PPP4R2: variants seen among roughly 807,000 people sequenced by gnomAD.
PPP4R2 encodes the protein protein phosphatase 4 regulatory subunit 2.
Under a neutral mutation model 47.2 loss-of-function variants are expected in PPP4R2, and 13 were observed. The ratio of observed to expected loss-of-function variants is 0.28; its 90% confidence interval spans 0.18 to 0.44. PPP4R2 has a LOEUF of 0.44. Ranked by LOEUF, PPP4R2 falls within the 20% of genes least tolerant of loss-of-function variation. The pLI is 1.00. For missense variants in PPP4R2, 421 were observed against 491.2 expected (o/e 0.86, Z 1.35); for synonymous variants, 151 against 163.3 (o/e 0.92, Z 0.57).
chr3:73,002,903 A>G (rs1378063506), intron 2 of PPP4R2, among the ~76,000 whole-genome samples: 1 of 151,664 alleles, frequency 6.6e-6, no homozygotes, highest in Admixed American at 6.6e-5. Context: ...TGGCCTCCCA[A>G]AGTGCTGGGA....
chr3:73,014,910 C>G, intron 2 of PPP4R2: 1 of 670,284 alleles, frequency 1.5e-6, no homozygotes, highest in Admixed American at 2.2e-5. Context: ...TGCTGTGTTG[C>G]CCAGGCTGGC....
chr3:73,043,213 G>A (rs1702413998), intron 2 of PPP4R2, among the ~76,000 whole-genome samples: 1 of 152,090 alleles, frequency 6.6e-6, no homozygotes, highest in African/African-American at 2.4e-5. Context: ...CATGTGGAGA[G>A]TCTCATAAAA....
At chr3:73,002,062 C>G (rs1478715657) in intron 2 of PPP4R2, among the ~76,000 whole-genome samples, 2 of 152,170 alleles carry the variant, frequency 1.3e-5, no homozygotes, top group African/African-American at 4.8e-5. Context: ...TTTGTGAGAT[C>G]CACTGTTGTA....
chr3:73,058,513 T>G (rs1052492963), intron 3 of PPP4R2, among the ~76,000 whole-genome samples: 5 of 152,010 alleles, frequency 3.3e-5, no homozygotes, highest in Non-Finnish European at 7.4e-5. Context: ...TTGCTTTTTT[T>G]TTAAAAAAGA....
At chr3:73,006,926 T>G (rs1432958008) in intron 2 of PPP4R2, among the ~76,000 whole-genome samples, 1 of 121,452 alleles carries the variant, frequency 8.2e-6, no homozygotes, top group East Asian at 2.2e-4. Context: ...TGACTATCAG[T>G]TTTTCCTCAT....
intron 2 of PPP4R2, among the ~76,000 whole-genome samples, chr3:73,031,542 A>G (rs1403917817): frequency 9.2e-6 from 1 of 108,790 alleles, no homozygotes; most frequent in Non-Finnish European, 2.0e-5. Flanking sequence ...ACTGTGTCTC[A>G]AAAAAGAAAA....
intron 2 of PPP4R2, among the ~76,000 whole-genome samples, chr3:73,038,711 TGTTG>T (rs1212752881): frequency 2.6e-5 from 4 of 152,198 alleles, no homozygotes; most frequent in Admixed American, 1.3e-4. Context: ...CGGAATATAC[TGTTG>T]GTTGGACTTT....
At chr3:73,065,313 A>G (rs1211459430) in intron 8 of PPP4R2, 84 bp from the exon 9 acceptor site, 4 of 1,392,550 alleles carry the variant, frequency 2.9e-6, no homozygotes, top group South Asian at 1.5e-5. Flanking sequence ...GATTTGAACT[A>G]TAGAATATCA....
At chr3:73,013,600 G>C (rs1701766998) in intron 2 of PPP4R2, among the ~76,000 whole-genome samples, 1 of 151,626 alleles carries the variant, frequency 6.6e-6, no homozygotes, top group African/African-American at 2.4e-5. Context: ...TGAAACTTCA[G>C]TTTGCCTTTT....
intron 3 of PPP4R2, among the ~76,000 whole-genome samples, chr3:73,056,129 C>G (rs1030668359): frequency 6.6e-6 from 1 of 152,190 alleles, no homozygotes; most frequent in African/African-American, 2.4e-5. Context: ...GGATGAGTAT[C>G]AGAGAGCAGA....
chr3:73,055,957 C>A (rs1327188259), intron 3 of PPP4R2, among the ~76,000 whole-genome samples: 3 of 152,140 alleles, frequency 2.0e-5, no homozygotes, highest in Non-Finnish European at 4.4e-5. Flanking sequence ...CTGATCACCA[C>A]TTCCCCCCAA....
At chr3:73,003,884 G>T (rs1559545322) in intron 2 of PPP4R2, among the ~76,000 whole-genome samples, 1 of 152,060 alleles carries the variant, frequency 6.6e-6, no homozygotes, top group Non-Finnish European at 1.5e-5. Context: ...ATTTTCAGTT[G>T]AGACGGGGTT....
In PPP4R2 at chr3:72,998,094, A is replaced by T; in HGVS notation, c.52A>T (p.Lys18Ter). The change falls in exon 2 of 9, where the codon AAA (lysine) becomes TAA (stop). Residue 18 changes from lysine to a stop codon, truncating the protein, a stop_gained. Coordinates refer to ENST00000356692, the MANE Select transcript of PPP4R2 (RefSeq NM_174907.4). LOFTEE classifies it high-confidence loss of function. ...TCATCTAGATTTTGAGAAGAGGGGGAAAAAGGAAGTTTGTCCTGTCCTGGA... is the reference window on the plus strand; with the variant it reads ...TCATCTAGATTTTGAGAAGAGGGGGTAAAAGGAAGTTTGTCCTGTCCTGGA... ...EALKDFEKRG[K>*]KEVCPVLDQF... 6.2e-7 allele frequency: 1 copy of T among 1,601,154 alleles called. No homozygotes were observed. Among genetic ancestry groups the T allele is most frequent in the Non-Finnish European group, 8.5e-7 (1 of 1,174,666 alleles).
At chr3:73,034,621 C>G (rs1702229859) in intron 2 of PPP4R2, among the ~76,000 whole-genome samples, 1 of 152,138 alleles carries the variant, frequency 6.6e-6, no homozygotes, top group African/African-American at 2.4e-5. Flanking sequence ...CAGCCTTGAA[C>G]TTCTGGGTTC....
chr3:73,000,468 A>G (rs1031914471), intron 2 of PPP4R2, among the ~76,000 whole-genome samples: 1 of 152,208 alleles, frequency 6.6e-6, no homozygotes, highest in Non-Finnish European at 1.5e-5. Context: ...TTTCTTTTCA[A>G]AAGACAATTG....
chr3:73,026,376 A>C (rs977695840), intron 2 of PPP4R2, among the ~76,000 whole-genome samples: 1 of 151,958 alleles, frequency 6.6e-6, no homozygotes, highest in African/African-American at 2.4e-5. Flanking sequence ...CTTTGTGCTC[A>C]TTTTAAAAGA....
intron 2 of PPP4R2, among the ~76,000 whole-genome samples, chr3:73,045,769 C>T (rs538449043): frequency 6.6e-6 from 1 of 152,002 alleles, no homozygotes; most frequent in Non-Finnish European, 1.5e-5. Flanking sequence ...TCAGGTGATC[C>T]GCCTGCTGGG....
intron 2 of PPP4R2, among the ~76,000 whole-genome samples, chr3:73,035,110 A>G (rs1311243134): frequency 6.6e-6 from 1 of 152,236 alleles, no homozygotes; most frequent in Non-Finnish European, 1.5e-5. Flanking sequence ...ATCCAATTAA[A>G]ATGGGCTAAT....
At chr3:73,003,157 T>C (rs1029600480) in intron 2 of PPP4R2, among the ~76,000 whole-genome samples, 5 of 152,088 alleles carry the variant, frequency 3.3e-5, no homozygotes, top group Admixed American at 3.3e-4. Context: ...CTAGCCCCCA[T>C]TTAAAAGTTT....
Sources: allele counts gnomAD v4.1 joint callset (sites outside exome capture counted in the v4.1 genomes callset), GRCh38; gene constraint gnomAD v4.1.1; transcripts MANE v1.5; gene names NCBI Gene and HGNC (gene_info 2026-07-23, HGNC 2026-07-21).